Variants in KIRREL3 observed in about 807,000 individuals in gnomAD.
KIRREL3 encodes the protein kirre like nephrin family adhesion molecule 3, also known as kin of IRRE-like protein 3.
In KIRREL3, 36 loss-of-function variants were observed where a neutral mutation model predicts 89.7. The observed-to-expected ratio is 0.40, with a 90% CI of 0.31 to 0.53. The LOEUF (loss-of-function observed/expected upper bound fraction) is 0.53, where lower values mean the gene tolerates loss of function less well. Ranked by LOEUF, KIRREL3 falls within the 20% of genes least tolerant of loss-of-function variation. KIRREL3 has a pLI of 0.49. For synonymous variants in KIRREL3, 445 were observed against 441.4 expected, an observed-to-expected ratio of 1.01 and a Z score of -0.10; for missense variants, 864 against 1,056.6, an observed-to-expected ratio of 0.82 and a Z score of 2.53.
chr11:126,769,476 G>T lies in KIRREL3; in HGVS notation c.56-206564C>A, dbSNP rs117612101. Among the ~76,000 whole-genome samples the T allele has an allele frequency of 1.3e-5, 2 of 152,104 alleles. No homozygotes were observed. Among genetic ancestry groups the T allele is most frequent in the Admixed American group, 6.6e-5 (1 of 15,266 alleles). ...GAGGGGCCCACTCCCCGTGAAAACC[G>T]TGCACTCCTGTCTTCTCTCTAACAG... On this transcript the variant is annotated intron_variant, in intron 1 of 16. Transcript: ENST00000525144. The surrounding 1 kb of genome is among the most constrained non-coding windows in gnomAD (Gnocchi z 4.3).
intron 1 of KIRREL3, among the ~76,000 whole-genome samples, chr11:126,690,931 C>T (rs574586836): frequency 6.6e-6 from 1 of 152,330 alleles, no homozygotes; most frequent in East Asian, 1.9e-4. Context: ...ACGTGTGTGG[C>T]AAAGAACTTG....
intron 11 of KIRREL3, 29 bp downstream of exon 11, chr11:126,440,420 C>T (rs368217488): frequency 2.1e-5 from 32 of 1,545,220 alleles, no homozygotes; most frequent in South Asian, 2.0e-4. Context: ...GCTGGCCCGG[C>T]CCCCGCCCGC....
Position 126,686,255 on chromosome 11 carries a change from C to T in KIRREL3, c.56-123343G>A, listed in dbSNP as rs200879497. 6.3e-4 allele frequency among the ~76,000 whole-genome samples: 96 copies of T among 152,306 alleles called. No individual in the cohort carries two copies. Among genetic ancestry groups the T allele is most frequent in the Non-Finnish European group, 1.0e-3 (71 of 68,030 alleles). ...TGGAGGCAGGTCTCCATGGATTGTA[C>T]GGCTTTCCCAAGGCCTGCTCCAGAC... On this transcript the variant is annotated intron_variant, in intron 1 of 16. Coordinates refer to ENST00000525144, the MANE Select transcript of KIRREL3 (RefSeq NM_032531.4). The surrounding 1 kb of genome is among the most constrained non-coding windows in gnomAD (Gnocchi z 4.7).
At chr11:126,533,627 C>G (rs1959007769) in intron 2 of KIRREL3, among the ~76,000 whole-genome samples, 1 of 152,172 alleles carries the variant, frequency 6.6e-6, no homozygotes, top group African/African-American at 2.4e-5. Context: ...TCACTCACTC[C>G]AAAGAACCCC....
At chr11:126,982,437 TA>T (rs1287430216) in intron 1 of KIRREL3, among the ~76,000 whole-genome samples, 1 of 152,232 alleles carries the variant, frequency 6.6e-6, no homozygotes, top group African/African-American at 2.4e-5. Context: ...CTAAGTTCCC[TA>T]ATTTCTTAAA....
At chr11:126,542,563 C>T (rs1302208361) in intron 2 of KIRREL3, among the ~76,000 whole-genome samples, 1 of 152,210 alleles carries the variant, frequency 6.6e-6, no homozygotes, top group Non-Finnish European at 1.5e-5. Context: ...CTCTCTGCCT[C>T]CTACTCAGCT....
At chr11:126,630,984 T>C (rs1447560408) in intron 1 of KIRREL3, among the ~76,000 whole-genome samples, 1 of 152,186 alleles carries the variant, frequency 6.6e-6, no homozygotes, top group African/African-American at 2.4e-5. Flanking sequence ...ACGTCCTGCC[T>C]AAAGTGTCAG....
intron 1 of KIRREL3, among the ~76,000 whole-genome samples, chr11:126,658,416 G>A (rs561930481): frequency 1.3e-5 from 2 of 152,260 alleles, no homozygotes; most frequent in South Asian, 4.1e-4. Flanking sequence ...TCATCTCAGG[G>A]CTGGAGGTGA....
At chr11:126,863,214 G>A (rs1015669801) in intron 1 of KIRREL3, among the ~76,000 whole-genome samples, 7 of 152,222 alleles carry the variant, frequency 4.6e-5, no homozygotes, top group Admixed American at 3.3e-4. Flanking sequence ...CTACCTGTGG[G>A]GGAAGACTGG....
Position 126,527,732 on chromosome 11 carries a change from C to G in KIRREL3, c.134-1045G>C, listed in dbSNP as rs1339568030. Among the ~76,000 whole-genome samples, 1 of 152,028 alleles carries G rather than the reference C, an allele frequency of 6.6e-6. No homozygotes were observed. Among genetic ancestry groups the G allele is most frequent in the African/African-American group, 2.4e-5 (1 of 41,396 alleles). On this transcript the variant is annotated intron_variant, in intron 2 of 16. Transcript: ENST00000525144. The surrounding 1 kb of genome is among the most constrained non-coding windows in gnomAD (Gnocchi z 4.2). ...GGAGGCTCAGGGTTAACTGAATTGCCCAGGGAACTGTCTAGTGGGAGTTGG... is the reference window on the plus strand; with the variant it reads ...GGAGGCTCAGGGTTAACTGAATTGCGCAGGGAACTGTCTAGTGGGAGTTGG...
chr11:126,823,434 A>G (rs1943294335), intron 1 of KIRREL3, among the ~76,000 whole-genome samples: 1 of 152,146 alleles, frequency 6.6e-6, no homozygotes, highest in South Asian at 2.1e-4. Flanking sequence ...CTCAGCAGGA[A>G]TGCAGCTATG....
chr11:126,452,627 G>A (rs1477817130), intron 7 of KIRREL3, among the ~76,000 whole-genome samples: 1 of 152,222 alleles, frequency 6.6e-6, no homozygotes, highest in Admixed American at 6.5e-5. Flanking sequence ...CATCACGGAG[G>A]GTGGAAGCCC....
Position 126,618,231 on chromosome 11 carries a change from A to G in KIRREL3, c.56-55319T>C, listed in dbSNP as rs61899034. ...CTCAGCTAGGCTGAGGCAGATTTAT[A>G]GTTACGCATTGGCCAGGGTGGTGCT... is the stretch of plus-strand genomic sequence containing the variant. On this transcript the variant is annotated intron_variant, in intron 1 of 16. Coordinates refer to ENST00000525144, the MANE Select transcript of KIRREL3 (RefSeq NM_032531.4). Among the ~76,000 whole-genome samples the G allele has an allele frequency of 4.8e-3, 723 of 151,770 alleles. 7 individuals are homozygous for G. The highest frequency in any genetic ancestry group is 0.017 in the South Asian group (80 of 4,778).
intron 1 of KIRREL3, among the ~76,000 whole-genome samples, chr11:126,728,563 A>G (rs1055082282): frequency 6.6e-6 from 1 of 152,158 alleles, no homozygotes; most frequent in Non-Finnish European, 1.5e-5. Context: ...GATGTTGGTT[A>G]GAGTGCTTGC....
rs564499167 is a variant in KIRREL3 at position 126,608,246 on chromosome 11, C to T, written c.56-45334G>A. Among the ~76,000 whole-genome samples the T allele has an allele frequency of 3.3e-5, 5 of 151,644 alleles. No homozygotes were observed. The highest frequency in any genetic ancestry group is 1.9e-4 in the East Asian group (1 of 5,188). On this transcript the variant is annotated intron_variant, in intron 1 of 16. Coordinates refer to ENST00000525144, the MANE Select transcript of KIRREL3 (RefSeq NM_032531.4). This position sits in a 1 kb window ranked among gnomAD's most constrained non-coding sequence, Gnocchi z 4.9. ...TGAAGGGGGCGGTCTCAGAAGCCCCCGCTGGGAGCCTCCTATCCACCTGGC... is the reference window on the plus strand; with the variant it reads ...TGAAGGGGGCGGTCTCAGAAGCCCCTGCTGGGAGCCTCCTATCCACCTGGC...
chr11:126,799,194 GTGTGTGTGCATGTGTGTATC>G (rs1374201156), intron 1 of KIRREL3, among the ~76,000 whole-genome samples: 1 of 73,002 alleles, frequency 1.4e-5, no homozygotes, highest in Non-Finnish European at 3.2e-5. Context: ...ATGGGTATCT[GTGTGTGTGCATGTGTGTATC>G]TGTGTGTGTA....
At chr11:126,961,384 A>C in intron 1 of KIRREL3, among the ~76,000 whole-genome samples, 1 of 152,248 alleles carries the variant, frequency 6.6e-6, no homozygotes, top group Non-Finnish European at 1.5e-5. Flanking sequence ...ACAAGAAAGC[A>C]AAACAGCCTT....
intron 1 of KIRREL3, among the ~76,000 whole-genome samples, chr11:126,871,513 A>G (rs945269493): frequency 1.3e-5 from 2 of 151,998 alleles, no homozygotes; most frequent in Non-Finnish European, 2.9e-5. Context: ...TTTATCCAAG[A>G]GCAGGTATGA....
rs184458969 is a variant in KIRREL3, at chr11:126,755,061, C to T, written c.56-192149G>A. ...GGAACCCAGATAAGAGTATCTTAAT[C>T]AAATAAAAAAAGCATTAGGCTTTAA... On this transcript the variant is annotated intron_variant, in intron 1 of 16. Coordinates refer to ENST00000525144, the MANE Select transcript of KIRREL3 (RefSeq NM_032531.4). This position sits in a 1 kb window ranked among gnomAD's most constrained non-coding sequence, Gnocchi z 4.3. 1.4e-3 allele frequency among the ~76,000 whole-genome samples: 214 copies of T among 152,100 alleles called. No individual in the cohort carries two copies. Among genetic ancestry groups the T allele is most frequent in the Non-Finnish European group, 2.5e-3 (169 of 67,988 alleles).
Sources: allele counts gnomAD v4.1 joint callset (sites outside exome capture counted in the v4.1 genomes callset), GRCh38; gene constraint gnomAD v4.1.1; non-coding constraint Gnocchi (gnomAD v3.1); transcripts MANE v1.5; gene names NCBI Gene and HGNC (gene_info 2026-07-23, HGNC 2026-07-21).